The following RIC8A variants were observed in gnomAD, a reference collection of about 807,000 sequenced individuals.
RIC8A encodes RIC8 guanine nucleotide exchange factor A, also known as chaperone Ric-8A.
In RIC8A, 37 loss-of-function variants were observed where a neutral mutation model predicts 48.4. That is an observed-to-expected ratio of 0.77 (90% CI 0.59 to 1.01). RIC8A has a LOEUF of 1.01. Among genes scored for constraint, RIC8A ranks in the 50% least tolerant of loss-of-function variants. The pLI, the probability that RIC8A is intolerant of heterozygous loss-of-function variation, is 0.00. For missense variants in RIC8A, 681 were observed against 696.8 expected (o/e 0.98, Z 0.25); for synonymous variants, 288 against 283.4 (o/e 1.02, Z -0.16).
rs3216 is a variant in RIC8A at position 214,421 on chromosome 11, G to A, written c.*71G>A. The stretch of plus-strand genomic sequence containing the variant: ...AGAGACTTCCTTGGGGTTGCAACCT[G>A]GGGAAGCCACATCCCACTGGATCCA... On this transcript the variant is annotated 3_prime_UTR_variant, in exon 10 of 10. Coordinates refer to ENST00000526104, the MANE Select transcript of RIC8A (RefSeq NM_001286134.2). 3.9e-6 allele frequency: 6 copies of A among 1,543,232 alleles called. No homozygotes were observed. The highest frequency in any genetic ancestry group is 5.3e-6 in the Non-Finnish European group (6 of 1,141,360).
In RIC8A at chr11:211,464, G is replaced by A. The variant is rs1855355474; in HGVS notation, c.969+115G>A. ...ACTGGTACGTGGAGATTGTCTTGGT[G>A]GTGTGATATGGGCGACTCTTCCGGT... On this transcript the variant is annotated intron_variant, in intron 5 of 9. Coordinates refer to ENST00000526104, the MANE Select transcript of RIC8A (RefSeq NM_001286134.2). This position sits in a 1 kb window ranked among gnomAD's most constrained non-coding sequence, Gnocchi z 4.0. 4 of 1,161,306 alleles carry A rather than the reference G, an allele frequency of 3.4e-6. No individual in the cohort carries two copies. Among genetic ancestry groups the A allele is most frequent in the Non-Finnish European group, 1.2e-6 (1 of 839,106 alleles). 71.9% of individuals were successfully genotyped at this position (1,161,306 alleles called of 1,614,324 possible). A position where few individuals can be genotyped will look rare whatever the true frequency, so the allele number is the denominator to read the frequency against.
intron 4 of RIC8A, chr11:210,883 A>G: frequency 1.6e-6 from 1 of 607,770 alleles, no homozygotes. Context: ...ACTAGGGCAC[A>G]TTGGTTCCTT....
rs951921024 is a variant in RIC8A, at chr11:209,263, C to T, written c.85-8C>T. On this transcript the variant is annotated splice_region_variant and splice_polypyrimidine_tract_variant and intron_variant, in intron 1 of 9. Transcript: ENST00000526104. ...CTGTGGATTTGAATTCACTAGTTCT[C>T]TCTGCAGCACTCCCAGAGCTTCACG... 3.7e-6 allele frequency: 6 copies of T among 1,614,040 alleles called. No homozygotes were observed. In the African/African-American group the frequency reaches 6.7e-5, roughly 18 times the overall value.
In RIC8A at chr11:214,328, A is replaced by G; in HGVS notation, c.1574A>G (p.Asp525Gly). Residue 525 changes from aspartate (D) to glycine (G), a missense_variant, in exon 10 of 10, where the codon GAC becomes GGC. Physicochemically the swap from Asp to Gly is moderately conservative, Grantham distance 94. Transcript: ENST00000526104. ...ACTATGGAGCAGCAGCTCTCCTCGGACCCTGACTCGGACCCTGACTGAGGA... is the reference window on the plus strand; with the variant it reads ...ACTATGGAGCAGCAGCTCTCCTCGGGCCCTGACTCGGACCCTGACTGAGGA... ...CETMEQQLSS[D>G]PDSDPD is the part of the protein sequence containing the mutation. 3 of 1,606,702 alleles carry G rather than the reference A, an allele frequency of 1.9e-6. No individual in the cohort carries two copies. The highest frequency in any genetic ancestry group is 2.5e-6 in the Non-Finnish European group (3 of 1,176,498).
intron 1 of RIC8A, 159 bp from the exon 2 acceptor site, chr11:209,112 C>T: frequency 9.5e-7 from 1 of 1,054,486 alleles, no homozygotes; most frequent in East Asian, 2.4e-5. Flanking sequence ...GGGGGTGCAC[C>T]CGTTGGGTGG....
At position 214,578 on chromosome 11, in the gene RIC8A, G is replaced by A. The variant is rs574943747; in HGVS notation, c.*228G>A. On this transcript the variant is annotated 3_prime_UTR_variant, in exon 10 of 10. Coordinates refer to ENST00000526104, the MANE Select transcript of RIC8A (RefSeq NM_001286134.2). ...TGTGCTAGAACTCAGGCTCAGCCTC[G>A]AATTCCACAGACGAAGTACTTTCTT... is the stretch of plus-strand genomic sequence containing the variant. 1.9e-5 allele frequency: 12 copies of A among 626,614 alleles called. No individual in the cohort carries two copies. The highest frequency in any genetic ancestry group is 3.6e-5 in the African/African-American group (2 of 55,212). 38.8% of individuals were successfully genotyped at this position (626,614 alleles called of 1,614,324 possible).
chr11:211,465 G>A lies in RIC8A; in HGVS notation c.969+116G>A, dbSNP rs923883395. On this transcript the variant is annotated intron_variant, in intron 5 of 9. Transcript: ENST00000526104. This position sits in a 1 kb window ranked among gnomAD's most constrained non-coding sequence, Gnocchi z 4.0. ...CTGGTACGTGGAGATTGTCTTGGTG[G>A]TGTGATATGGGCGACTCTTCCGGTT... is the stretch of plus-strand genomic sequence containing the variant. 1.7e-6 allele frequency: 2 copies of A among 1,161,638 alleles called. No individual in the cohort carries two copies. Among genetic ancestry groups the A allele is most frequent in the Non-Finnish European group, 2.4e-6 (2 of 839,272 alleles). The allele number at this position is 1,161,638 out of a possible 1,614,324, so 72.0% of individuals were successfully genotyped here.
At position 208,614 on chromosome 11, in the gene RIC8A, G is replaced by C. The variant is rs1590072611; in HGVS notation, c.-241G>C. The C allele has an allele frequency of 2.2e-6, 1 of 447,578 alleles. No homozygotes were observed. Among genetic ancestry groups the C allele is most frequent in the East Asian group, 4.2e-5 (1 of 23,838 alleles). The allele number at this position is 447,578 out of a possible 1,614,324, so 27.7% of individuals were successfully genotyped here. A position where few individuals can be genotyped will look rare whatever the true frequency, so the allele number is the denominator to read the frequency against. On this transcript the variant is annotated 5_prime_UTR_variant, in exon 1 of 10. Coordinates refer to ENST00000526104, the MANE Select transcript of RIC8A (RefSeq NM_001286134.2). This position sits in a 1 kb window ranked among gnomAD's most constrained non-coding sequence, Gnocchi z 4.8. ...GGTCACAAGGAGAGGGGTCAGTTCG[G>C]TTCAGAGCGACTCAGCCCCTCGACT...
intron 9 of RIC8A, chr11:213,629 A>G: frequency 7.1e-6 from 4 of 562,816 alleles, no homozygotes; most frequent in Non-Finnish European, 1.2e-5. Flanking sequence ...TACAGATGAT[A>G]ACTGAGGCCC....
At position 211,524 on chromosome 11, in the gene RIC8A, C is replaced by T. The variant is rs540886071; in HGVS notation, c.969+175C>T. On this transcript the variant is annotated intron_variant, in intron 5 of 9. Transcript: ENST00000526104. This position sits in a 1 kb window ranked among gnomAD's most constrained non-coding sequence, Gnocchi z 4.0. Reference sequence around the variant, plus strand: ...GTCCAGCCTGGCAAGAAGCCAGACCCTTCCTCCATGAGAAGCATGTGGACA... The same window carrying T: ...GTCCAGCCTGGCAAGAAGCCAGACCTTTCCTCCATGAGAAGCATGTGGACA... The T allele has an allele frequency of 3.2e-6, 2 of 621,846 alleles. No individual in the cohort carries two copies. Among genetic ancestry groups the T allele is most frequent in the Non-Finnish European group, 5.3e-6 (2 of 374,678 alleles). The allele number at this position is 621,846 out of a possible 1,614,324, so 38.5% of individuals were successfully genotyped here. A position where few individuals can be genotyped will look rare whatever the true frequency, so the allele number is the denominator to read the frequency against.
intron 9 of RIC8A, chr11:213,915 C>T (rs1855452219): frequency 5.7e-6 from 2 of 351,342 alleles, no homozygotes; most frequent in Non-Finnish European, 1.1e-5. Context: ...CCACCGCACT[C>T]CAGCCTGGCA....
chr11:214,925 G>A lies in RIC8A; in HGVS notation c.*575G>A, dbSNP rs369021519. 6.7e-5 allele frequency: 13 copies of A among 195,314 alleles called. No individual in the cohort carries two copies. The highest frequency in any genetic ancestry group is 2.9e-4 in the East Asian group (2 of 6,812). 12.1% of individuals were successfully genotyped at this position (195,314 alleles called of 1,614,324 possible). A position where few individuals can be genotyped will look rare whatever the true frequency, so the allele number is the denominator to read the frequency against. The stretch of plus-strand genomic sequence containing the variant: ...CATTCTCCTTGGTCCTCGTTCAGCT[G>A]CCCACTGTAGTATCCACAGTGCCCG... On this transcript the variant is annotated 3_prime_UTR_variant, in exon 10 of 10. Transcript: ENST00000526104.
At position 212,521 on chromosome 11, in the gene RIC8A, TGAG is replaced by T. The variant is rs576974645; in HGVS notation, c.1065+14_1065+16del. 2.2e-5 allele frequency: 36 copies of T among 1,613,476 alleles called. No homozygotes were observed. In the South Asian group the frequency reaches 3.2e-4, roughly 14 times the overall value. ...GTTCCTGAAGGCCCAGGTATAAGGC[TGAG>T]GAGCTGGTGCTCCTGGGGGATGTGG... is the stretch of plus-strand genomic sequence containing the variant. On this transcript the variant is annotated intron_variant, in intron 6 of 9. Coordinates refer to ENST00000526104, the MANE Select transcript of RIC8A (RefSeq NM_001286134.2).
rs1855475805 is a variant in RIC8A, at chr11:214,457, C to G, written c.*107C>G. 5 of 1,358,218 alleles carry G rather than the reference C, an allele frequency of 3.7e-6. No homozygotes were observed. Among genetic ancestry groups the G allele is most frequent in the East Asian group, 2.5e-5 (1 of 39,970 alleles). 84.1% of individuals were successfully genotyped at this position (1,358,218 alleles called of 1,614,324 possible). On this transcript the variant is annotated 3_prime_UTR_variant, in exon 10 of 10. Coordinates refer to ENST00000526104, the MANE Select transcript of RIC8A (RefSeq NM_001286134.2). ...ATCCCACTGGATCCACACCCGCCCC[C>G]ACTTCTCCATCTTAGAAACCCCTTC... is the stretch of plus-strand genomic sequence containing the variant.
chr11:208,632 C>G lies in RIC8A; in HGVS notation c.-223C>G, dbSNP rs1855249473. On this transcript the variant is annotated 5_prime_UTR_variant, in exon 1 of 10. Transcript: ENST00000526104. The surrounding 1 kb of genome is among the most constrained non-coding windows in gnomAD (Gnocchi z 4.8). ...CAGTTCGGTTCAGAGCGACTCAGCC[C>G]CTCGACTCGGGTCTTAAAACCTCCG... The G allele has an allele frequency of 4.3e-6, 2 of 468,306 alleles. No individual in the cohort carries two copies. Among genetic ancestry groups the G allele is most frequent in the Admixed American group, 8.9e-5 (2 of 22,508 alleles). 29.0% of individuals were successfully genotyped at this position (468,306 alleles called of 1,614,324 possible). A position where few individuals can be genotyped will look rare whatever the true frequency, so the allele number is the denominator to read the frequency against.
chr11:211,114 A>T lies in RIC8A; in HGVS notation c.819-85A>T. 7.0e-7 allele frequency: 1 copy of T among 1,427,368 alleles called. No homozygotes were observed. The highest frequency in any genetic ancestry group is 9.6e-7 in the Non-Finnish European group (1 of 1,041,676). The allele number at this position is 1,427,368 out of a possible 1,614,324, so 88.4% of individuals were successfully genotyped here. A position where few individuals can be genotyped will look rare whatever the true frequency, so the allele number is the denominator to read the frequency against. ...TTGGGACTCAGATGCCAGCTCATGT[A>T]ATGTGTGGTTCAGCGGAGTCACAAA... On this transcript the variant is annotated intron_variant, in intron 4 of 9. Coordinates refer to ENST00000526104, the MANE Select transcript of RIC8A (RefSeq NM_001286134.2). This position sits in a 1 kb window ranked among gnomAD's most constrained non-coding sequence, Gnocchi z 4.0.
intron 5 of RIC8A, chr11:212,075 T>C (rs965511105): frequency 1.7e-5 from 5 of 299,540 alleles, no homozygotes; most frequent in South Asian, 3.7e-5. Flanking sequence ...CTGAGGGCAA[T>C]GTGTGTGCGA....
chr11:212,680 T>C lies in RIC8A; in HGVS notation c.1131T>C (p.Leu377=), dbSNP rs764591866. 4 of 1,613,962 alleles carry C rather than the reference T, an allele frequency of 2.5e-6. No individual in the cohort carries two copies. The Admixed American group carries it at 5.0e-5, about 20-fold the overall frequency. The change falls in exon 7 of 10, where the codon CTT becomes CTC. Residue 377 remains leucine (L), a synonymous_variant. Coordinates refer to ENST00000526104, the MANE Select transcript of RIC8A (RefSeq NM_001286134.2). ...PEVGEMLRNK[L]VRLMTHLDTD... is the part of the protein sequence containing the mutation. ...TTGGGGAGATGCTGCGGAACAAGCTTGTCCGCCTCATGACACACCTGGACA... is the reference window on the plus strand; with the variant it reads ...TTGGGGAGATGCTGCGGAACAAGCTCGTCCGCCTCATGACACACCTGGACA...
chr11:211,446 C>T lies in RIC8A; in HGVS notation c.969+97C>T, dbSNP rs954721494. 3.5e-5 allele frequency: 46 copies of T among 1,303,076 alleles called. No individual in the cohort carries two copies. Among genetic ancestry groups the T allele is most frequent in the Middle Eastern group, 2.5e-4 (1 of 4,046 alleles). 80.7% of individuals were successfully genotyped at this position (1,303,076 alleles called of 1,614,324 possible). On this transcript the variant is annotated intron_variant, in intron 5 of 9. Transcript: ENST00000526104. The surrounding 1 kb of genome is among the most constrained non-coding windows in gnomAD (Gnocchi z 4.0). ...TGCTTCCACACTGTCCACACTGGTA[C>T]GTGGAGATTGTCTTGGTGGTGTGAT...
Sources: gnomAD v4.1 joint callset for allele counts on GRCh38, gnomAD v4.1.1 for gene constraint, Gnocchi (gnomAD v3.1) non-coding constraint, MANE v1.5 for transcripts, NCBI Gene and HGNC (gene_info 2026-07-23, HGNC 2026-07-21) for gene names.